Variants in NCOA1 observed in about 807,000 individuals in gnomAD.
NCOA1 encodes the protein Hin-2 protein.
In NCOA1, 35 loss-of-function variants were observed where a neutral mutation model predicts 150.9. That is an observed-to-expected ratio of 0.23 (90% CI 0.18 to 0.31). NCOA1 has a LOEUF of 0.31. Ranked by LOEUF, NCOA1 falls within the 10% of genes least tolerant of loss-of-function variation. The pLI, the probability that NCOA1 is intolerant of heterozygous loss-of-function variation, is 1.00. For synonymous variants in NCOA1, 590 were observed against 630.0 expected, an observed-to-expected ratio of 0.94 and a Z score of 0.95; for missense variants, 1,491 against 1,749.3, an observed-to-expected ratio of 0.85 and a Z score of 2.63.
Position 24,729,544 on chromosome 2 carries a change from A to G in NCOA1, c.2930A>G (p.Gln977Arg). The G allele has an allele frequency of 6.2e-7, 1 of 1,614,124 alleles. No homozygotes were observed. The highest frequency in any genetic ancestry group is 8.5e-7 in the Non-Finnish European group (1 of 1,179,980). ...DVLSERFPPQ[Q>R]ATPPLIMEER... Reference sequence around the variant, plus strand: ...TTATCAGAGAGATTTCCACCACAACAAGCAACGCCACCTTTGATCATGGAA... The same window carrying G: ...TTATCAGAGAGATTTCCACCACAACGAGCAACGCCACCTTTGATCATGGAA... The change falls in exon 17 of 23, where the codon CAA becomes CGA. Residue 977 changes from glutamine (Q) to arginine (R), a missense_variant. Around this residue, in one of 8 missense-constraint regions of NCOA1, gnomAD observed 485 missense variants for 522.8 expected, o/e 0.93. Transcript: ENST00000348332.
intron 14 of NCOA1, among the ~76,000 whole-genome samples, chr2:24,721,299 CTATACTA>C (rs1320315737): frequency 6.6e-6 from 1 of 152,152 alleles, no homozygotes; most frequent in Non-Finnish European, 1.5e-5. Context: ...CACTCATTTT[CTATACTA>C]ACTCTTTTTT....
At chr2:24,519,353 G>A (rs1664329519) in intron 1 of NCOA1, among the ~76,000 whole-genome samples, 1 of 152,126 alleles carries the variant, frequency 6.6e-6, no homozygotes, top group South Asian at 2.1e-4. Context: ...AGATAGGTTA[G>A]TTGGTTGCTT....
At chr2:24,684,433 G>C (rs1392587451) in intron 8 of NCOA1, among the ~76,000 whole-genome samples, 1 of 152,178 alleles carries the variant, frequency 6.6e-6, no homozygotes, top group African/African-American at 2.4e-5. Flanking sequence ...GTTCTGCCTG[G>C]TTCTCAGGAT....
At chr2:24,613,735 G>A (rs760467189) in intron 3 of NCOA1, among the ~76,000 whole-genome samples, 6 of 152,166 alleles carry the variant, frequency 3.9e-5, no homozygotes, top group Non-Finnish European at 7.4e-5. Context: ...CTATGCCCGG[G>A]AATGGGGCAG....
At chr2:24,712,367 C>A (rs1368974223) in intron 14 of NCOA1, among the ~76,000 whole-genome samples, 2 of 152,092 alleles carry the variant, frequency 1.3e-5, no homozygotes, top group Non-Finnish European at 2.9e-5. Context: ...TATCTCCTTC[C>A]CCATCCAATA....
At chr2:24,531,166 G>A (rs1283747680) in intron 1 of NCOA1, among the ~76,000 whole-genome samples, 1 of 152,208 alleles carries the variant, frequency 6.6e-6, no homozygotes, top group Non-Finnish European at 1.5e-5. Flanking sequence ...CAGCCATTAT[G>A]TAAAACAGTA....
chr2:24,516,341 C>T (rs1338069895), intron 1 of NCOA1, among the ~76,000 whole-genome samples: 2 of 151,470 alleles, frequency 1.3e-5, no homozygotes, highest in South Asian at 2.1e-4. Flanking sequence ...TACAGGCGCC[C>T]GCTACCACGC....
intron 1 of NCOA1, among the ~76,000 whole-genome samples, chr2:24,550,352 A>G (rs1016934660): frequency 6.6e-6 from 1 of 152,198 alleles, no homozygotes. Flanking sequence ...GCAATTTACA[A>G]AAGAAAGAGG....
At chr2:24,693,917 G>C (rs969267643) in intron 10 of NCOA1, among the ~76,000 whole-genome samples, 11 of 152,048 alleles carry the variant, frequency 7.2e-5, no homozygotes, top group Admixed American at 3.9e-4. Context: ...GAAATTAGTT[G>C]GTCAGCAAAG....
chr2:24,497,115 A>C (rs142048617), intron 1 of NCOA1, among the ~76,000 whole-genome samples: 141 of 152,254 alleles, frequency 9.3e-4, no homozygotes, highest in African/African-American at 3.3e-3. Context: ...AGGCTCAGGG[A>C]AGTTAAGTGG....
At chr2:24,718,340 A>G (rs1674164650) in intron 14 of NCOA1, among the ~76,000 whole-genome samples, 1 of 152,216 alleles carries the variant, frequency 6.6e-6, no homozygotes, top group African/African-American at 2.4e-5. Context: ...GTGTGGAACA[A>G]TTTGAACTTT....
chr2:24,755,262 C>G (rs1664443905), intron 20 of NCOA1, among the ~76,000 whole-genome samples: 1 of 152,214 alleles, frequency 6.6e-6, no homozygotes, highest in African/African-American at 2.4e-5. Context: ...TTCATTATCT[C>G]TCTGGTGGCA....
intron 17 of NCOA1, among the ~76,000 whole-genome samples, chr2:24,737,615 C>T (rs1663385738): frequency 6.6e-6 from 1 of 152,192 alleles, no homozygotes; most frequent in Non-Finnish European, 1.5e-5. Context: ...CTGCCCTCCT[C>T]CTTGCCACCT....
chr2:24,731,776 A>G (rs1663029077), intron 17 of NCOA1, among the ~76,000 whole-genome samples: 1 of 152,234 alleles, frequency 6.6e-6, no homozygotes, highest in Non-Finnish European at 1.5e-5. Context: ...GGGCACCAGA[A>G]TAAGAAATGC....
chr2:24,690,343 A>G (rs1220544620), intron 8 of NCOA1, among the ~76,000 whole-genome samples: 3 of 152,066 alleles, frequency 2.0e-5, no homozygotes, highest in Non-Finnish European at 4.4e-5. Context: ...AAGGTAGGAA[A>G]ACGTTTGGGA....
At chr2:24,679,262 T>C (rs1284390676) in intron 7 of NCOA1, among the ~76,000 whole-genome samples, 1 of 152,226 alleles carries the variant, frequency 6.6e-6, no homozygotes, top group East Asian at 1.9e-4. Context: ...CTTGGAGGAA[T>C]AGGAAGATTC....
In NCOA1 at chr2:24,770,107, A is replaced by G; in HGVS notation, c.*1716A>G. The G allele has an allele frequency of 4.3e-6, 1 of 230,596 alleles. No individual in the cohort carries two copies. Among genetic ancestry groups the G allele is most frequent in the Non-Finnish European group, 8.6e-6 (1 of 116,148 alleles). The allele number at this position is 230,596 out of a possible 1,614,324, so 14.3% of individuals were successfully genotyped here. A position where few individuals can be genotyped will look rare whatever the true frequency, so the allele number is the denominator to read the frequency against. On this transcript the variant is annotated 3_prime_UTR_variant, in exon 23 of 23. Coordinates refer to ENST00000348332, the MANE Select transcript of NCOA1 (RefSeq NM_003743.5). ...GGTGGAAGGGCTCATGTGGTTAGCA[A>G]CTATGAAACAGAAATAGGACACTCA...
At chr2:24,542,947 A>G (rs533363933) in intron 1 of NCOA1, among the ~76,000 whole-genome samples, 1 of 152,370 alleles carries the variant, frequency 6.6e-6, no homozygotes, top group South Asian at 2.1e-4. Flanking sequence ...AGAAATAACA[A>G]AAATGGAAAC....
intron 1 of NCOA1, among the ~76,000 whole-genome samples, chr2:24,516,045 T>C (rs1244944770): frequency 6.6e-6 from 1 of 152,146 alleles, no homozygotes; most frequent in African/African-American, 2.4e-5. Context: ...GCAGTCACTC[T>C]GGTGGCTTGA....
Sources: gnomAD v4.1 joint callset for allele counts (sites outside exome capture counted in the v4.1 genomes callset) on GRCh38, gnomAD v4.1.1 for gene constraint, gnomAD v4.1.1 regional missense constraint, MANE v1.5 for transcripts, NCBI Gene and HGNC (gene_info 2026-07-23, HGNC 2026-07-21) for gene names.